The following ARHGAP11A variants were observed in gnomAD, a reference collection of about 807,000 sequenced individuals.
The protein encoded by ARHGAP11A is Rho GTPase activating protein 11A, also known as rho GTPase-activating protein 11A.
Under a neutral mutation model 60.5 loss-of-function variants are expected in ARHGAP11A, and 36 were observed. The ratio of observed to expected loss-of-function variants is 0.59; its 90% CI spans 0.46 to 0.79. The LOEUF (loss-of-function observed/expected upper bound fraction) is 0.79. ARHGAP11A is among the 30% of genes least tolerant of loss of function. ARHGAP11A has a pLI of 0.00. For missense variants in ARHGAP11A, 1,071 were observed against 1,199.2 expected (o/e 0.89, Z 1.58); for synonymous variants, 362 against 415.5 (o/e 0.87, Z 1.57).
chr15:32,630,497 C>T (rs1319930494), intron 8 of ARHGAP11A, among the ~76,000 whole-genome samples: 1 of 148,286 alleles, frequency 6.7e-6, no homozygotes, highest in Non-Finnish European at 1.5e-5. Context: ...TGAAATGAAA[C>T]TCTAAGCCCA....
At chr15:32,635,249 T>G (rs568149378) in intron 10 of ARHGAP11A, among the ~76,000 whole-genome samples, 33 of 152,330 alleles carry the variant, frequency 2.2e-4, no homozygotes, top group African/African-American at 6.3e-4. Flanking sequence ...CTCTCACCTT[T>G]GTTTTGTTTT....
chr15:32,617,907 T>C (rs1253000714), intron 1 of ARHGAP11A, among the ~76,000 whole-genome samples: 1 of 152,204 alleles, frequency 6.6e-6, no homozygotes, highest in Non-Finnish European at 1.5e-5. Context: ...GTTTTATATA[T>C]ATAAAGTGGG....
intron 11 of ARHGAP11A, 52 bp downstream of exon 11, chr15:32,635,967 GC>G: frequency 6.6e-7 from 1 of 1,526,268 alleles, no homozygotes; most frequent in East Asian, 2.4e-5. Flanking sequence ...TGCTTTAGTT[GC>G]TTTTTTAATG....
In ARHGAP11A at chr15:32,615,642, C is replaced by T. The variant is rs1367826578; in HGVS notation, c.-570C>T. ...GGCTGATGGGGGAGGGAACGAGCAGCCTGTGAGACGGGGTGACGGCGGCTA... is the reference window on the plus strand; with the variant it reads ...GGCTGATGGGGGAGGGAACGAGCAGTCTGTGAGACGGGGTGACGGCGGCTA... On this transcript the variant is annotated 5_prime_UTR_variant, in exon 1 of 12. Coordinates refer to ENST00000361627, the MANE Select transcript of ARHGAP11A (RefSeq NM_014783.6). 6.6e-6 allele frequency: 1 copy of T among 152,506 alleles called. No homozygotes were observed. Among genetic ancestry groups the T allele is most frequent in the African/African-American group, 2.4e-5 (1 of 41,338 alleles). 9.4% of individuals were successfully genotyped at this position (152,506 alleles called of 1,614,324 possible).
At chr15:32,620,664 G>C (rs1399973147) in intron 2 of ARHGAP11A, among the ~76,000 whole-genome samples, 4 of 151,700 alleles carry the variant, frequency 2.6e-5, no homozygotes, top group Non-Finnish European at 4.4e-5. Flanking sequence ...AAAAATTTTT[G>C]TTCTGTTAAG....
At chr15:32,627,788 C>G (rs187363681) in intron 6 of ARHGAP11A, among the ~76,000 whole-genome samples, 2 of 149,098 alleles carry the variant, frequency 1.3e-5, no homozygotes, top group African/African-American at 4.9e-5. Context: ...TGAATCTACC[C>G]TACATATTGC....
At chr15:32,626,077 G>T (rs1373237657) in intron 6 of ARHGAP11A, among the ~76,000 whole-genome samples, 1 of 152,050 alleles carries the variant, frequency 6.6e-6, no homozygotes, top group East Asian at 1.9e-4. Flanking sequence ...AAGGATAAAG[G>T]ATGGTATTAT....
In ARHGAP11A at chr15:32,637,469, G is replaced by A; in HGVS notation, c.2696G>A (p.Gly899Asp). The change falls in exon 12 of 12, where the codon GGT becomes GAT. Residue 899 changes from glycine to aspartate, a missense_variant. Physicochemically the swap from Gly to Asp is moderately conservative, Grantham distance 94. Transcript: ENST00000361627. Reference sequence around the variant, plus strand: ...TCCTCTGTTTCATGTATCAAATCAGGTCCTAAAGAACAGAAGTCCATGTCA... The same window carrying A: ...TCCTCTGTTTCATGTATCAAATCAGATCCTAAAGAACAGAAGTCCATGTCA... The part of the protein sequence containing the change: ...KDSSVSCIKS[G>D]PKEQKSMSCE... The A allele has an allele frequency of 6.2e-7, 1 of 1,613,940 alleles. No homozygotes were observed. Among genetic ancestry groups the A allele is most frequent in the Non-Finnish European group, 8.5e-7 (1 of 1,180,030 alleles).
chr15:32,627,227 G>A (rs1010674269), intron 6 of ARHGAP11A, among the ~76,000 whole-genome samples: 35 of 151,794 alleles, frequency 2.3e-4, no homozygotes, highest in African/African-American at 8.2e-4. Context: ...GCTTTTCATT[G>A]GTGCTTTAAG....
At chr15:32,620,308 G>T (rs1209775920) in intron 2 of ARHGAP11A, 130 bp downstream of exon 2, 9 of 1,513,156 alleles carry the variant, frequency 5.9e-6, no homozygotes, top group Non-Finnish European at 7.1e-6. Flanking sequence ...AACATGGTGA[G>T]ACCTTGTCGC....
At chr15:32,633,258 T>C in intron 9 of ARHGAP11A, 150 bp downstream of exon 9, 1 of 827,316 alleles carries the variant, frequency 1.2e-6, no homozygotes, top group Non-Finnish European at 1.8e-6. Flanking sequence ...ATCAATTGCC[T>C]TTTCAATACC....
At chr15:32,618,099 A>C (rs2053204763) in intron 1 of ARHGAP11A, among the ~76,000 whole-genome samples, 1 of 152,222 alleles carries the variant, frequency 6.6e-6, no homozygotes, top group Non-Finnish European at 1.5e-5. Flanking sequence ...AGAATATTCT[A>C]ATGAAGAAAT....
rs1178337004 is a variant in ARHGAP11A at position 32,635,885 on chromosome 15, C to G, written c.1453C>G (p.Pro485Ala). The change falls in exon 11 of 12, where the codon CCA (proline) becomes GCA (alanine). Residue 485 changes from proline (P) to alanine (A), a missense_variant. Around this residue, in one of 4 missense-constraint regions of ARHGAP11A, gnomAD observed 776 missense variants for 760.2 expected, o/e 1.02. Coordinates refer to ENST00000361627, the MANE Select transcript of ARHGAP11A (RefSeq NM_014783.6). ...TGTAAAAACAGGTTTGCTTTTTAGC[C>G]CAGATGTTGATGAAAAGTTACCAAA... ...ESVKTGLLFS[P>A]DVDEKLPKKG... 1 of 1,608,574 alleles carries G rather than the reference C, an allele frequency of 6.2e-7. No individual in the cohort carries two copies. The highest frequency in any genetic ancestry group is 1.1e-5 in the South Asian group (1 of 89,776).
In ARHGAP11A at chr15:32,639,905, C is replaced by G. The variant is rs1028001324; in HGVS notation, c.*2060C>G. ...GTGCAGTAACCTCATGGGTTCTTCT[C>G]ACTGTCTTATAAATGTAAATAAAGA... On this transcript the variant is annotated 3_prime_UTR_variant, in exon 12 of 12. Coordinates refer to ENST00000361627, the MANE Select transcript of ARHGAP11A (RefSeq NM_014783.6). 2.0e-5 allele frequency: 3 copies of G among 152,090 alleles called. No individual in the cohort carries two copies. Among genetic ancestry groups the G allele is most frequent in the Non-Finnish European group, 4.4e-5 (3 of 68,026 alleles). 9.4% of individuals were successfully genotyped at this position (152,090 alleles called of 1,614,324 possible). A position where few individuals can be genotyped will look rare whatever the true frequency, so the allele number is the denominator to read the frequency against.
At chr15:32,621,821 C>CAAAAAAAAAAAAA (rs376053100) in intron 2 of ARHGAP11A, among the ~76,000 whole-genome samples, 2 of 120,904 alleles carry the variant, frequency 1.7e-5, no homozygotes, top group East Asian at 2.9e-4. Flanking sequence ...GACTCCGTCT[C>CAAAAAAAAAAAAA]AAAAAAAAAA....
At chr15:32,619,496 A>G (rs550092777) in intron 1 of ARHGAP11A, among the ~76,000 whole-genome samples, 42 of 152,204 alleles carry the variant, frequency 2.8e-4, no homozygotes, top group African/African-American at 9.9e-4. Context: ...AGCTAGTTAA[A>G]TGAAGTTTGA....
At chr15:32,636,035 T>A (rs905248236) in intron 11 of ARHGAP11A, 120 bp downstream of exon 11, 3 of 1,391,970 alleles carry the variant, frequency 2.2e-6, no homozygotes, top group Non-Finnish European at 2.8e-6. Flanking sequence ...GTTTGAATAG[T>A]GAAAATATTA....
chr15:32,636,115 A>G, intron 11 of ARHGAP11A, 142 bp from the exon 12 acceptor site: 1 of 1,400,270 alleles, frequency 7.1e-7, no homozygotes, highest in East Asian at 2.6e-5. Flanking sequence ...AATGTTTGAC[A>G]TTCTTATGTT....
chr15:32,634,151 C>T, intron 10 of ARHGAP11A, 110 bp downstream of exon 10: 1 of 723,374 alleles, frequency 1.4e-6, no homozygotes. Flanking sequence ...TCATTCTGTT[C>T]TTTTTATCCA....
Sources: allele counts gnomAD v4.1 joint callset (sites outside exome capture counted in the v4.1 genomes callset), GRCh38; gene constraint gnomAD v4.1.1; regional missense constraint gnomAD v4.1.1; transcripts MANE v1.5; gene names NCBI Gene and HGNC (gene_info 2026-07-23, HGNC 2026-07-21).